The following AGPAT3 variants were observed in gnomAD, a reference collection of about 807,000 sequenced individuals.
AGPAT3 encodes the protein 1-acylglycerol-3-phosphate O-acyltransferase 3.
Under a neutral mutation model 47.3 loss-of-function variants are expected in AGPAT3, and 5 were observed. The ratio of observed to expected loss-of-function variants is 0.11; its 90% CI spans 0.06 to 0.22. The LOEUF is 0.22. AGPAT3 is among the 10% of genes least tolerant of loss of function. The pLI, the probability that AGPAT3 is intolerant of heterozygous loss-of-function variation, is 1.00. For synonymous variants in AGPAT3, 212 were observed against 208.3 expected, an observed-to-expected ratio of 1.02 and a Z score of -0.15; for missense variants, 315 against 493.0, an observed-to-expected ratio of 0.64 and a Z score of 3.42.
intron 1 of AGPAT3, among the ~76,000 whole-genome samples, chr21:43,895,166 G>A (rs1209579353): frequency 6.6e-6 from 1 of 151,434 alleles, no homozygotes; most frequent in African/African-American, 2.4e-5. Context: ...GTGCAGTGGT[G>A]CGATCTCGGC....
rs753073391 is a variant in AGPAT3, at chr21:43,959,900, C to T, written c.178+41C>T. 28 of 1,561,066 alleles carry T rather than the reference C, an allele frequency of 1.8e-5. No homozygotes were observed. In the East Asian group the frequency reaches 2.1e-4, roughly 12 times the overall value. ...GCCAGTCCCTGCCGCCTGGGGCTCCCGTGGGGGTGGCGCGCGACCATGCAC... is the reference window on the plus strand; with the variant it reads ...GCCAGTCCCTGCCGCCTGGGGCTCCTGTGGGGGTGGCGCGCGACCATGCAC... On this transcript the variant is annotated intron_variant, in intron 3 of 9. Coordinates refer to ENST00000291572, the MANE Select transcript of AGPAT3 (RefSeq NM_020132.5).
chr21:43,880,580 C>A lies in AGPAT3; in HGVS notation c.-112+15235C>A, dbSNP rs1275469034. On this transcript the variant is annotated intron_variant, in intron 1 of 9. Transcript: ENST00000291572. This position sits in a 1 kb window ranked among gnomAD's most constrained non-coding sequence, Gnocchi z 4.5. ...AGCTACCCTTTTCCCAGTGGTATTG[C>A]CACTGAGTGTGGGATGGGTCACAGC... Among the ~76,000 whole-genome samples the A allele has an allele frequency of 1.3e-5, 2 of 152,176 alleles. No individual in the cohort carries two copies. The highest frequency in any genetic ancestry group is 4.8e-5 in the African/African-American group (2 of 41,422).
At chr21:43,947,650 C>T (rs1371176325) in intron 2 of AGPAT3, among the ~76,000 whole-genome samples, 1 of 151,898 alleles carries the variant, frequency 6.6e-6, no homozygotes, top group East Asian at 1.9e-4. Flanking sequence ...TGGCATGTAA[C>T]CAGTGTGGAC....
rs11911398 is a variant in AGPAT3 at position 43,985,093 on chromosome 21, C to T, written c.*2701C>T. ...CCAGGCCCACCCACGGGCGTCTGGC[C>T]GGTCAAGCTCCCAGCCTGGGCCGTG... On this transcript the variant is annotated 3_prime_UTR_variant, in exon 10 of 10. Coordinates refer to ENST00000291572, the MANE Select transcript of AGPAT3 (RefSeq NM_020132.5). The T allele has an allele frequency of 1.8e-5, 8 of 455,970 alleles. No homozygotes were observed. The highest frequency in any genetic ancestry group is 9.3e-5 in the South Asian group (6 of 64,552). 28.2% of individuals were successfully genotyped at this position (455,970 alleles called of 1,614,324 possible).
rs1247733130 is a variant in AGPAT3, at chr21:43,934,824, C to G, written c.-48-24810C>G. On this transcript the variant is annotated intron_variant, in intron 2 of 9. Transcript: ENST00000291572. The surrounding 1 kb of genome is among the most constrained non-coding windows in gnomAD (Gnocchi z 4.7). ...ACCCATGCCACCCACACCACCTCTACCCCTCACGTCACCGACGCCACTCAC... is the reference window on the plus strand; with the variant it reads ...ACCCATGCCACCCACACCACCTCTAGCCCTCACGTCACCGACGCCACTCAC... Among the ~76,000 whole-genome samples the G allele has an allele frequency of 6.7e-6, 1 of 149,540 alleles. No homozygotes were observed. Among genetic ancestry groups the G allele is most frequent in the African/African-American group, 2.5e-5 (1 of 40,396 alleles).
chr21:43,905,440 G>A (rs1031858951), intron 2 of AGPAT3, among the ~76,000 whole-genome samples: 7 of 151,952 alleles, frequency 4.6e-5, no homozygotes, highest in African/African-American at 1.2e-4. Flanking sequence ...CACCTGCCTC[G>A]GCCTCCCAAA....
intron 2 of AGPAT3, among the ~76,000 whole-genome samples, chr21:43,949,779 TTC>T (rs1314845605): frequency 6.6e-6 from 1 of 152,238 alleles, no homozygotes; most frequent in Non-Finnish European, 1.5e-5. Context: ...TTTAGGTATT[TTC>T]TCTTTCTTAT....
chr21:43,913,154 A>G (rs1006073360), intron 2 of AGPAT3, among the ~76,000 whole-genome samples: 3 of 152,082 alleles, frequency 2.0e-5, no homozygotes, highest in Non-Finnish European at 2.9e-5. Context: ...CCATCCTTGC[A>G]TTCATGAAAC....
intron 2 of AGPAT3, among the ~76,000 whole-genome samples, chr21:43,905,311 C>G (rs948687150): frequency 2.6e-5 from 4 of 151,712 alleles, no homozygotes; most frequent in Non-Finnish European, 4.4e-5. Context: ...TGCCTCAGCC[C>G]CCTGAGTAGC....
At chr21:43,883,941 GC>G (rs1449841439) in intron 1 of AGPAT3, among the ~76,000 whole-genome samples, 1 of 152,144 alleles carries the variant, frequency 6.6e-6, no homozygotes, top group Non-Finnish European at 1.5e-5. Context: ...TGTTGGTCGG[GC>G]TGGTCTTGAA....
chr21:43,907,610 G>A (rs867950028), intron 2 of AGPAT3, among the ~76,000 whole-genome samples: 21 of 152,172 alleles, frequency 1.4e-4, no homozygotes, highest in African/African-American at 2.6e-4. Context: ...CCAGCTACTC[G>A]GGAGGCTGAG....
intron 1 of AGPAT3, among the ~76,000 whole-genome samples, chr21:43,881,528 G>T (rs2085852991): frequency 6.6e-6 from 1 of 152,254 alleles, no homozygotes; most frequent in African/African-American, 2.4e-5. Flanking sequence ...TGTGTTTGTG[G>T]TGTGAAATGC....
intron 2 of AGPAT3, among the ~76,000 whole-genome samples, chr21:43,956,262 G>C (rs1442359069): frequency 6.6e-6 from 1 of 152,178 alleles, no homozygotes; most frequent in East Asian, 1.9e-4. Flanking sequence ...TGCTCTAAGG[G>C]GCCCCTGCCC....
intron 2 of AGPAT3, among the ~76,000 whole-genome samples, chr21:43,945,940 G>A (rs1340521630): frequency 1.3e-5 from 2 of 152,112 alleles, no homozygotes; most frequent in Non-Finnish European, 2.9e-5. Context: ...CAGGGGTCAC[G>A]AGGAGAAGCC....
chr21:43,873,321 C>T (rs62228691), intron 1 of AGPAT3, among the ~76,000 whole-genome samples: 3,230 of 152,290 alleles, frequency 0.021, 69 homozygotes, highest in Non-Finnish European at 0.026. Flanking sequence ...CGGAGGATAA[C>T]GCTGGGTGGA....
chr21:43,951,607 C>T (rs2088195969), intron 2 of AGPAT3, among the ~76,000 whole-genome samples: 1 of 152,172 alleles, frequency 6.6e-6, no homozygotes. Context: ...AGCAGGACGC[C>T]AGCTGGGGTG....
chr21:43,937,048 T>G (rs1379609458), intron 2 of AGPAT3, among the ~76,000 whole-genome samples: 1 of 152,242 alleles, frequency 6.6e-6, no homozygotes, highest in Non-Finnish European at 1.5e-5. Context: ...ATTCACGTAC[T>G]GTTCTGAATG....
chr21:43,893,517 G>A (rs1050778182), intron 1 of AGPAT3, among the ~76,000 whole-genome samples: 1 of 152,164 alleles, frequency 6.6e-6, no homozygotes, highest in Admixed American at 6.5e-5. Flanking sequence ...TCATCACTTG[G>A]CCAACTGTTT....
rs995378774 is a variant in AGPAT3, at chr21:43,899,690, C to T, written c.-111-4267C>T. 5.3e-5 allele frequency among the ~76,000 whole-genome samples: 8 copies of T among 152,314 alleles called. 1 individual carries two copies. The highest frequency in any genetic ancestry group is 5.2e-4 in the Admixed American group (8 of 15,308). ...CAGAGCACCCCTCCCATCTGCTCCC[C>T]ACCGCTGAGGATCACTGGTCCCCCA... is the stretch of plus-strand genomic sequence containing the variant. On this transcript the variant is annotated intron_variant, in intron 1 of 9. Coordinates refer to ENST00000291572, the MANE Select transcript of AGPAT3 (RefSeq NM_020132.5).
Sources: gnomAD v4.1 joint callset for allele counts (sites outside exome capture counted in the v4.1 genomes callset) on GRCh38, gnomAD v4.1.1 for gene constraint, Gnocchi (gnomAD v3.1) non-coding constraint, MANE v1.5 for transcripts, NCBI Gene and HGNC (gene_info 2026-07-23, HGNC 2026-07-21) for gene names.